Variants in TUT7 observed in about 807,000 individuals in gnomAD.
TUT7 encodes terminal uridylyltransferase 7.
A neutral mutation model predicts 165.9 loss-of-function variants in TUT7; 33 were observed. The ratio of observed to expected loss-of-function variants is 0.20; its 90% CI spans 0.15 to 0.27. The LOEUF (loss-of-function observed/expected upper bound fraction) is 0.27. TUT7 is among the 10% of genes least tolerant of loss of function. The probability of loss-of-function intolerance (pLI) is 1.00; values close to 1 mark genes in which losing one functional copy is unlikely to be tolerated. For missense variants in TUT7, 1,338 were observed against 1,762.3 expected (o/e 0.76, Z 4.31); for synonymous variants, 552 against 608.1 (o/e 0.91, Z 1.36).
rs543668463 is a variant in TUT7 at position 86,310,585 on chromosome 9, A to G, written c.3378+121T>C. ...TGCCAGGTTCACAGCAAGTAAGCAT[A>G]ATAACTCTTGAAAGATTCACTAAGA... On this transcript the variant is annotated intron_variant, in intron 18 of 26. Coordinates refer to ENST00000375963, the MANE Select transcript of TUT7 (RefSeq NM_024617.4). The G allele has an allele frequency of 2.5e-4, 155 of 624,006 alleles. 2 individuals carry two copies. In the South Asian group the frequency reaches 3.0e-3, roughly 12 times the overall value. The allele number at this position is 624,006 out of a possible 1,614,324, so 38.7% of individuals were successfully genotyped here.
At chr9:86,341,428 C>G (rs985794422) in intron 6 of TUT7, among the ~76,000 whole-genome samples, 2 of 152,182 alleles carry the variant, frequency 1.3e-5, no homozygotes, top group South Asian at 2.1e-4. Context: ...TCTTGCACTT[C>G]TTTTTAAAAT....
intron 10 of TUT7, among the ~76,000 whole-genome samples, chr9:86,332,366 A>C (rs201391568): frequency 1.3e-5 from 2 of 150,744 alleles, no homozygotes; most frequent in East Asian, 2.0e-4. Flanking sequence ...CCATAAAAAA[A>C]CCCAAGATCA....
At chr9:86,352,446 G>C (rs1291809442) in intron 2 of TUT7, 7 of 596,150 alleles carry the variant, frequency 1.2e-5, no homozygotes, top group Non-Finnish European at 2.1e-5. Flanking sequence ...CTGACGTAAA[G>C]TGAGCCCTGG....
chr9:86,297,703 A>T (rs560756682), intron 26 of TUT7, among the ~76,000 whole-genome samples: 5 of 152,064 alleles, frequency 3.3e-5, no homozygotes, highest in African/African-American at 1.2e-4. Context: ...CTAAGTAGCT[A>T]CCCTGCCTCC....
rs1392504980 is a variant in TUT7, at chr9:86,338,819, C to T, written c.1335+4G>A. On this transcript the variant is annotated splice_donor_region_variant and intron_variant, in intron 9 of 26. Coordinates refer to ENST00000375963, the MANE Select transcript of TUT7 (RefSeq NM_024617.4). ...GTATTCATGCATAAAGACCTCAAGC[C>T]TACCTTTGCCCAGTACCTAAATGCA... 3.8e-6 allele frequency: 6 copies of T among 1,598,972 alleles called. No individual in the cohort carries two copies. Among genetic ancestry groups the T allele is most frequent in the Non-Finnish European group, 5.1e-6 (6 of 1,172,862 alleles).
intron 17 of TUT7, among the ~76,000 whole-genome samples, chr9:86,312,148 C>G (rs886483978): frequency 5.3e-5 from 8 of 151,568 alleles, no homozygotes; most frequent in Admixed American, 3.3e-4. Context: ...CGTCTCTGCC[C>G]GGCCACCATC....
Position 86,343,166 on chromosome 9 carries a change from A to G in TUT7, c.998-3T>C, listed in dbSNP as rs775789989. On this transcript the variant is annotated splice_region_variant and splice_polypyrimidine_tract_variant and intron_variant, in intron 5 of 26. Transcript: ENST00000375963. ...CCCATATAATCTTAGGGAACAATCT[A>G]AAAAATAAATAAATAAATAAAAGTA... The G allele has an allele frequency of 2.0e-6, 3 of 1,511,448 alleles. No homozygotes were observed. Among genetic ancestry groups the G allele is most frequent in the Middle Eastern group, 2.2e-4 (1 of 4,598 alleles). 93.6% of individuals were successfully genotyped at this position (1,511,448 alleles called of 1,614,324 possible).
At chr9:86,320,063 A>C (rs1829101011) in intron 14 of TUT7, among the ~76,000 whole-genome samples, 1 of 152,086 alleles carries the variant, frequency 6.6e-6, no homozygotes, top group African/African-American at 2.4e-5. Context: ...AGTGCTCTTG[A>C]AACGGAAAGT....
chr9:86,334,718 T>G (rs1013527120), intron 10 of TUT7, among the ~76,000 whole-genome samples: 2 of 152,120 alleles, frequency 1.3e-5, no homozygotes, highest in African/African-American at 4.8e-5. Flanking sequence ...TCCTGAGTTT[T>G]TATACCCAGG....
At chr9:86,301,068 A>T (rs537254854) in intron 26 of TUT7, among the ~76,000 whole-genome samples, 1 of 152,220 alleles carries the variant, frequency 6.6e-6, no homozygotes, top group African/African-American at 2.4e-5. Flanking sequence ...AATGACTCTC[A>T]TAAGACTCTA....
chr9:86,333,479 T>A (rs1194552099), intron 10 of TUT7, among the ~76,000 whole-genome samples: 2 of 152,220 alleles, frequency 1.3e-5, no homozygotes, highest in African/African-American at 4.8e-5. Context: ...ATACTCAGAT[T>A]TTTCCTGGCT....
chr9:86,312,271 C>T lies in TUT7; in HGVS notation c.3275-1462G>A, dbSNP rs571395814. ...GATGTGGGGAGCGCCTCTGCTCTGC[C>T]GCCCCGTCCGGGATGTGAGGAGCGT... On this transcript the variant is annotated intron_variant, in intron 17 of 26. Transcript: ENST00000375963. Among the ~76,000 whole-genome samples, 16 of 151,878 alleles carry T rather than the reference C, an allele frequency of 1.1e-4. No homozygotes were observed. In the South Asian group the frequency reaches 1.9e-3, roughly 18 times the overall value.
At position 86,322,864 on chromosome 9, in the gene TUT7, A is replaced by T; in HGVS notation, c.2877+9T>A. The T allele has an allele frequency of 6.3e-7, 1 of 1,580,786 alleles. No homozygotes were observed. Among genetic ancestry groups the T allele is most frequent in the South Asian group, 1.2e-5 (1 of 83,208 alleles). On this transcript the variant is annotated intron_variant, in intron 13 of 26. Coordinates refer to ENST00000375963, the MANE Select transcript of TUT7 (RefSeq NM_024617.4). Reference sequence around the variant, plus strand: ...TCCTAGTTCTATGACTAGTGGTGGTACTGATTACCTTGCCTTTGGTGAAGA... The same window carrying T: ...TCCTAGTTCTATGACTAGTGGTGGTTCTGATTACCTTGCCTTTGGTGAAGA...
intron 6 of TUT7, among the ~76,000 whole-genome samples, chr9:86,341,573 C>G (rs1831331422): frequency 6.6e-6 from 1 of 152,176 alleles, no homozygotes; most frequent in African/African-American, 2.4e-5. Context: ...GCCAGTCAAG[C>G]CCAGCCTACC....
chr9:86,310,951 T>C lies in TUT7; in HGVS notation c.3275-142A>G, dbSNP rs910547186. The C allele has an allele frequency of 1.5e-5, 9 of 595,440 alleles. No homozygotes were observed. In the African/African-American group the frequency reaches 1.7e-4, roughly 11 times the overall value. The allele number at this position is 595,440 out of a possible 1,614,324, so 36.9% of individuals were successfully genotyped here. A position where few individuals can be genotyped will look rare whatever the true frequency, so the allele number is the denominator to read the frequency against. ...TTCATTAGGACTTGTCAAAGAATTCTGTTATTAACAAACATCTGGGAAGAT... is the reference window on the plus strand; with the variant it reads ...TTCATTAGGACTTGTCAAAGAATTCCGTTATTAACAAACATCTGGGAAGAT... On this transcript the variant is annotated intron_variant, in intron 17 of 26. Transcript: ENST00000375963.
chr9:86,353,442 ATACT>A (rs1280057384), intron 1 of TUT7, among the ~76,000 whole-genome samples: 1 of 152,198 alleles, frequency 6.6e-6, no homozygotes, highest in Admixed American at 6.5e-5. Flanking sequence ...ATGAAAATTA[ATACT>A]TACTATTTAG....
chr9:86,353,929 C>G (rs181909381), intron 1 of TUT7, among the ~76,000 whole-genome samples: 245 of 152,226 alleles, frequency 1.6e-3, no homozygotes, highest in African/African-American at 5.8e-3. Flanking sequence ...CACTCCTCTT[C>G]AATCCCCATC....
rs753721162 is a variant in TUT7, at chr9:86,323,290, A to G, written c.2460T>C (p.Thr820=). The change falls in exon 13 of 27, where the codon ACT becomes ACC. Residue 820 remains threonine, a synonymous_variant. Coordinates refer to ENST00000375963, the MANE Select transcript of TUT7 (RefSeq NM_024617.4). ...GGTTTAGAGAGTCTTCTAGTTCCTCAGTACCTTCTGTACTTTCTCCATCAA... is the reference window on the plus strand; with the variant it reads ...GGTTTAGAGAGTCTTCTAGTTCCTCGGTACCTTCTGTACTTTCTCCATCAA... The part of the protein sequence containing the change: ...ADLDGESTEG[T]EELEDSLNHF... The G allele has an allele frequency of 6.2e-7, 1 of 1,614,170 alleles. No individual in the cohort carries two copies. Among genetic ancestry groups the G allele is most frequent in the Non-Finnish European group, 8.5e-7 (1 of 1,180,030 alleles).
At chr9:86,339,033 ACTAATATACAT>A in intron 8 of TUT7, 84 bp from the exon 9 acceptor site, 1 of 1,226,704 alleles carries the variant, frequency 8.2e-7, no homozygotes, top group Non-Finnish European at 1.1e-6. Context: ...TATGCCAACA[ACTAATATACAT>A]GCATAATAAA....
Sources: allele counts gnomAD v4.1 joint callset (sites outside exome capture counted in the v4.1 genomes callset), GRCh38; gene constraint gnomAD v4.1.1; transcripts MANE v1.5; gene names NCBI Gene and HGNC (gene_info 2026-07-23, HGNC 2026-07-21).